Variants in UBE2E2 observed in about 807,000 individuals in gnomAD.
UBE2E2 encodes the protein ubiquitin-conjugating enzyme E2 E2.
In UBE2E2, 6 loss-of-function variants were observed where a neutral mutation model predicts 24.7. The ratio of observed to expected loss-of-function variants is 0.24; its 90% CI spans 0.13 to 0.48. UBE2E2 has a LOEUF of 0.48. Ranked by LOEUF, UBE2E2 falls within the 20% of genes least tolerant of loss-of-function variation. The probability of loss-of-function intolerance (pLI) is 0.99; values close to 1 mark genes in which losing one functional copy is unlikely to be tolerated. For missense variants in UBE2E2, 169 were observed against 245.0 expected (o/e 0.69, Z 2.07); for synonymous variants, 104 against 83.6 (o/e 1.24, Z -1.33).
At chr3:23,264,296 A>G (rs750118130) in intron 3 of UBE2E2, among the ~76,000 whole-genome samples, 11 of 152,086 alleles carry the variant, frequency 7.2e-5, no homozygotes, top group Non-Finnish European at 1.3e-4. Context: ...CACAGCTATT[A>G]TAGCTGGACC....
At chr3:23,257,333 A>G (rs372800077) in intron 3 of UBE2E2, among the ~76,000 whole-genome samples, 4 of 152,000 alleles carry the variant, frequency 2.6e-5, no homozygotes, top group South Asian at 2.1e-4. Flanking sequence ...TGGTTCCTTG[A>G]CTCCAGGACT....
At chr3:23,521,214 A>C (rs1253341148) in intron 4 of UBE2E2, among the ~76,000 whole-genome samples, 1 of 152,200 alleles carries the variant, frequency 6.6e-6, no homozygotes, top group Non-Finnish European at 1.5e-5. Flanking sequence ...CGTCTTACAG[A>C]ATTGCCTTGG....
At chr3:23,570,321 A>G (rs1041795764) in intron 5 of UBE2E2, among the ~76,000 whole-genome samples, 2 of 152,112 alleles carry the variant, frequency 1.3e-5, no homozygotes, top group Non-Finnish European at 1.5e-5. Flanking sequence ...GCTTCTTCAC[A>G]TTGGGTAACT....
chr3:23,342,205 G>A (rs1397912526), intron 3 of UBE2E2, among the ~76,000 whole-genome samples: 1 of 146,904 alleles, frequency 6.8e-6, no homozygotes, highest in Non-Finnish European at 1.5e-5. Context: ...TTTTTTTTGA[G>A]ACAGGGTCTT....
chr3:23,360,889 G>A, intron 3 of UBE2E2, among the ~76,000 whole-genome samples: 1 of 140,174 alleles, frequency 7.1e-6, no homozygotes, highest in Non-Finnish European at 1.6e-5. Flanking sequence ...AATCAGCAGA[G>A]TAAACAGACA....
intron 3 of UBE2E2, among the ~76,000 whole-genome samples, chr3:23,348,006 TAAAA>T (rs200603091): frequency 6.6e-6 from 1 of 151,552 alleles, no homozygotes; most frequent in Non-Finnish European, 1.5e-5. Context: ...TAAAGTATAA[TAAAA>T]AAAAGAAGGG....
At chr3:23,227,504 T>C (rs1007872433) in intron 3 of UBE2E2, among the ~76,000 whole-genome samples, 6 of 152,214 alleles carry the variant, frequency 3.9e-5, no homozygotes, top group Non-Finnish European at 7.3e-5. Context: ...AAATATACAT[T>C]GAGGACCTAT....
At chr3:23,302,413 A>G (rs878902780) in intron 3 of UBE2E2, among the ~76,000 whole-genome samples, 4 of 152,160 alleles carry the variant, frequency 2.6e-5, no homozygotes, top group East Asian at 1.9e-4. Context: ...CCCCACCACT[A>G]AAATAGCTTC....
intron 3 of UBE2E2, among the ~76,000 whole-genome samples, chr3:23,224,009 C>A (rs148746905): frequency 1.2e-3 from 184 of 152,218 alleles, no homozygotes; most frequent in African/African-American, 4.2e-3. Flanking sequence ...ATCCATGTGT[C>A]TGTTTTTATG....
At chr3:23,425,491 A>G (rs1273257954) in intron 3 of UBE2E2, among the ~76,000 whole-genome samples, 1 of 152,198 alleles carries the variant, frequency 6.6e-6, no homozygotes, top group African/African-American at 2.4e-5. Flanking sequence ...AACAGGTTAA[A>G]AAGCTGAACA....
At chr3:23,437,335 G>A (rs1034237012) in intron 3 of UBE2E2, among the ~76,000 whole-genome samples, 2 of 152,142 alleles carry the variant, frequency 1.3e-5, no homozygotes, top group Admixed American at 6.5e-5. Flanking sequence ...TCCATGCATA[G>A]TAGGTCCCAT....
intron 3 of UBE2E2, among the ~76,000 whole-genome samples, chr3:23,278,330 A>T (rs1204180360): frequency 6.6e-6 from 1 of 152,174 alleles, no homozygotes; most frequent in Non-Finnish European, 1.5e-5. Flanking sequence ...GAAAATTAAG[A>T]AATATATTTA....
intron 3 of UBE2E2, among the ~76,000 whole-genome samples, chr3:23,416,961 TC>T (rs1455442631): frequency 6.6e-6 from 1 of 152,216 alleles, no homozygotes; most frequent in Non-Finnish European, 1.5e-5. Flanking sequence ...TAACCTTTTT[TC>T]AAGGTTCTTA....
chr3:23,559,306 CAA>C (rs754384570), intron 5 of UBE2E2, among the ~76,000 whole-genome samples: 3 of 152,224 alleles, frequency 2.0e-5, no homozygotes, highest in Admixed American at 2.0e-4. Context: ...CAAGCAATCT[CAA>C]AGTGTCACTG....
chr3:23,471,220 T>C (rs1461917599), intron 3 of UBE2E2, among the ~76,000 whole-genome samples: 2 of 152,216 alleles, frequency 1.3e-5, no homozygotes, highest in East Asian at 1.9e-4. Context: ...ATTTTAAATT[T>C]AAAAGTACAA....
intron 3 of UBE2E2, among the ~76,000 whole-genome samples, chr3:23,319,401 G>A (rs1194583064): frequency 5.3e-5 from 8 of 152,156 alleles, no homozygotes; most frequent in Non-Finnish European, 1.0e-4. Context: ...AATGTTGTGT[G>A]TGTTAGCTTC....
At chr3:23,434,916 A>G (rs17013223) in intron 3 of UBE2E2, among the ~76,000 whole-genome samples, 4,416 of 152,336 alleles carry the variant, frequency 0.029, 110 homozygotes, top group East Asian at 0.13. Context: ...TATTGCCATA[A>G]ATCGCTGCAT....
At chr3:23,568,191 G>C (rs1246392640) in intron 5 of UBE2E2, among the ~76,000 whole-genome samples, 2 of 152,118 alleles carry the variant, frequency 1.3e-5, no homozygotes, top group Non-Finnish European at 2.9e-5. Flanking sequence ...ACACGTGGTG[G>C]AGACCACGGA....
At chr3:23,391,106 A>G (rs926434776) in intron 3 of UBE2E2, among the ~76,000 whole-genome samples, 1 of 152,126 alleles carries the variant, frequency 6.6e-6, no homozygotes, top group African/African-American at 2.4e-5. Flanking sequence ...TATTATCACT[A>G]TTTTGCAGAT....
Sources: gnomAD v4.1 joint callset for allele counts (sites outside exome capture counted in the v4.1 genomes callset) on GRCh38, gnomAD v4.1.1 for gene constraint, MANE v1.5 for transcripts, NCBI Gene and HGNC (gene_info 2026-07-23, HGNC 2026-07-21) for gene names.